The following CXCL12 variants were observed in gnomAD, a reference collection of about 807,000 sequenced individuals.
CXCL12 encodes stromal cell-derived factor 1.
CXCL12 carries 4 observed loss-of-function variants against 10.7 expected under a neutral mutation model. The observed-to-expected ratio is 0.37, with a 90% CI of 0.18 to 0.86. The LOEUF (loss-of-function observed/expected upper bound fraction) is 0.86. CXCL12 is among the 40% of genes least tolerant of loss of function. The pLI is 0.43. For synonymous variants in CXCL12, 54 were observed against 45.4 expected (o/e 1.19, Z -0.77); for missense variants, 122 against 110.4 (o/e 1.10, Z -0.47).
At chr10:44,376,385 T>C (rs266086), downstream of CXCL12, among the ~76,000 whole-genome samples, 148,459 of 152,328 alleles carry the variant, frequency 0.97, 72,451 homozygotes, top group East Asian at 1. Context: ...CCCTGCCCTG[T>C]TCTCATGGGA....
downstream of CXCL12, chr10:44,371,506 C>G (rs1274923913): frequency 4.8e-6 from 1 of 206,586 alleles, no homozygotes; most frequent in Admixed American, 6.1e-5. Flanking sequence ...GTAAAGATCC[C>G]TCAGGCTCTA....
In CXCL12 at chr10:44,378,458, G is replaced by A. The variant is rs923288082; in HGVS notation, c.*175C>T. On this transcript the variant is annotated 3_prime_UTR_variant, in exon 3 of 3. Transcript: ENST00000343575. ...TATCATACCGTATGCTATAAATGCA[G>A]GGTCTAAATGCTGGCAAACCTCAGG... is the stretch of plus-strand genomic sequence containing the variant. 1 of 1,537,410 alleles carries A rather than the reference G, an allele frequency of 6.5e-7. No individual in the cohort carries two copies. Among genetic ancestry groups the A allele is most frequent in the African/African-American group, 1.4e-5 (1 of 73,472 alleles).
At chr10:44,375,318 C>T (rs1454864451), downstream of CXCL12, among the ~76,000 whole-genome samples, 1 of 152,202 alleles carries the variant, frequency 6.6e-6, no homozygotes, top group Non-Finnish European at 1.5e-5. Flanking sequence ...TCCCACAACC[C>T]AGGAAGGAGG....
chr10:44,378,827 C>T lies in CXCL12; in HGVS notation c.180-104G>A. ...CACCCATCTAGGGCCCTCGCTGGCA[C>T]CCCGTGCTCCACTTGGTACGCTCAG... On this transcript the variant is annotated intron_variant, in intron 2 of 2. Coordinates refer to ENST00000343575, the MANE Select transcript of CXCL12 (RefSeq NM_199168.4). The T allele has an allele frequency of 1.1e-5, 13 of 1,151,652 alleles. No individual in the cohort carries two copies. The South Asian group carries it at 1.5e-4, about 13-fold the overall frequency. The allele number at this position is 1,151,652 out of a possible 1,614,324, so 71.3% of individuals were successfully genotyped here.
At chr10:44,373,061 A>T (rs1428901076), downstream of CXCL12, 5 of 1,536,260 alleles carry the variant, frequency 3.3e-6, no homozygotes, top group Non-Finnish European at 4.4e-6. Context: ...CCGTGGAAAG[A>T]CACTCTAATA....
chr10:44,371,446 G>A (rs1054391070), downstream of CXCL12: 1 of 373,924 alleles, frequency 2.7e-6, no homozygotes, highest in Non-Finnish European at 5.2e-6. Context: ...CTGGTATAGT[G>A]AGAGGTTAAT....
At chr10:44,372,825 G>A, downstream of CXCL12, 1 of 1,489,516 alleles carries the variant, frequency 6.7e-7, no homozygotes, top group Non-Finnish European at 8.9e-7. Context: ...CCATGTGGAT[G>A]GAGAAGGGGG....
At chr10:44,376,152 G>T, downstream of CXCL12, 1 of 1,013,244 alleles carries the variant, frequency 9.9e-7, no homozygotes, top group South Asian at 1.5e-5. Flanking sequence ...TCTCAGGCCT[G>T]GAGGCCCCTG....
At chr10:44,373,312 C>A (rs1839364084), downstream of CXCL12, 3 of 1,606,522 alleles carry the variant, frequency 1.9e-6, no homozygotes, top group Admixed American at 1.7e-5. Flanking sequence ...AAGGGTTCCT[C>A]AGGCGTCTGA....
intron 1 of CXCL12, 89 bp downstream of exon 1, chr10:44,384,856 G>A: frequency 7.4e-7 from 1 of 1,342,772 alleles, no homozygotes; most frequent in Non-Finnish European, 1.0e-6. Flanking sequence ...GGCGCAAACT[G>A]CGGGCGCAGG....
At position 44,379,973 on chromosome 10, in the gene CXCL12, T is replaced by C. The variant is rs1017216997; in HGVS notation, c.179+790A>G. Reference sequence around the variant, plus strand: ...GTTGGGTGGAAAAGTCTTGGGAAAGTTGTAGCTTTGGTTCCAACTGCTGTC... The same window carrying C: ...GTTGGGTGGAAAAGTCTTGGGAAAGCTGTAGCTTTGGTTCCAACTGCTGTC... On this transcript the variant is annotated intron_variant, in intron 2 of 2. Coordinates refer to ENST00000343575, the MANE Select transcript of CXCL12 (RefSeq NM_199168.4). 1.1e-4 allele frequency among the ~76,000 whole-genome samples: 17 copies of C among 152,154 alleles called. 1 individual carries two copies. Among genetic ancestry groups the C allele is most frequent in the Admixed American group, 1.0e-3 (16 of 15,280 alleles).
At position 44,378,005 on chromosome 10, in the gene CXCL12, A is replaced by C; in HGVS notation, c.*628T>G. ...GGGGTCTCTGAGCACAGTCCCAGTA[A>C]TAGTGGCTTCTACATGGAGCCCACA... On this transcript the variant is annotated 3_prime_UTR_variant, in exon 3 of 3. Transcript: ENST00000343575. 6.7e-7 allele frequency: 1 copy of C among 1,502,056 alleles called. No homozygotes were observed. Among genetic ancestry groups the C allele is most frequent in the South Asian group, 1.3e-5 (1 of 78,190 alleles). 93.0% of individuals were successfully genotyped at this position (1,502,056 alleles called of 1,614,324 possible).
intron 1 of CXCL12, among the ~76,000 whole-genome samples, chr10:44,383,356 G>A (rs537655206): frequency 1.3e-5 from 2 of 152,142 alleles, no homozygotes; most frequent in Non-Finnish European, 2.9e-5. Context: ...CCCAGGCCAG[G>A]AGGAGTCTGG....
At chr10:44,382,388 T>C (rs1349175301) in intron 1 of CXCL12, among the ~76,000 whole-genome samples, 1 of 152,178 alleles carries the variant, frequency 6.6e-6, no homozygotes, top group African/African-American at 2.4e-5. Flanking sequence ...TCCTGAGTGT[T>C]GTGCCTCCAG....
Position 44,378,329 on chromosome 10 carries a change from T to G in CXCL12, c.*304A>C. 2.0e-6 allele frequency: 3 copies of G among 1,485,652 alleles called. No individual in the cohort carries two copies. Among genetic ancestry groups the G allele is most frequent in the Non-Finnish European group, 2.7e-6 (3 of 1,108,616 alleles). The allele number at this position is 1,485,652 out of a possible 1,614,324, so 92.0% of individuals were successfully genotyped here. On this transcript the variant is annotated 3_prime_UTR_variant, in exon 3 of 3. Coordinates refer to ENST00000343575, the MANE Select transcript of CXCL12 (RefSeq NM_199168.4). ...TTGTGATGATCATGAAGGAACTAAC[T>G]GCTTGAAAATGCTGTTGATAATACA...
intron 1 of CXCL12, among the ~76,000 whole-genome samples, chr10:44,384,582 G>A (rs963564876): frequency 6.6e-6 from 1 of 152,158 alleles, no homozygotes; most frequent in African/African-American, 2.4e-5. Context: ...AGCCCGCAGC[G>A]GGAAGGCAGT....
chr10:44,376,425 CT>C (rs1173227289), downstream of CXCL12, among the ~76,000 whole-genome samples: 1 of 152,214 alleles, frequency 6.6e-6, no homozygotes, highest in African/African-American at 2.4e-5. Context: ...CAGGGCTGAA[CT>C]CTTAGCTTTC....
chr10:44,382,902 G>A (rs1482063867), intron 1 of CXCL12, among the ~76,000 whole-genome samples: 1 of 152,182 alleles, frequency 6.6e-6, no homozygotes, highest in African/African-American at 2.4e-5. Flanking sequence ...TTTCCCAACC[G>A]TTCTGGATGT....
downstream of CXCL12, among the ~76,000 whole-genome samples, chr10:44,375,404 A>G (rs17883187): frequency 0.035 from 5,256 of 152,280 alleles, 296 homozygotes; most frequent in African/African-American, 0.12. Flanking sequence ...GCCAGGGCCC[A>G]TTCCTAAGGG....
Sources: allele counts gnomAD v4.1 joint callset (sites outside exome capture counted in the v4.1 genomes callset), GRCh38; gene constraint gnomAD v4.1.1; transcripts MANE v1.5; gene names NCBI Gene and HGNC (gene_info 2026-07-23, HGNC 2026-07-21).